The following TJP1 variants were observed in gnomAD, a reference collection of about 807,000 sequenced individuals.
The protein encoded by TJP1 is tight junction protein 1.
Under a neutral mutation model 194.2 loss-of-function variants are expected in TJP1, and 43 were observed. The ratio of observed to expected loss-of-function variants is 0.22; its 90% CI spans 0.17 to 0.29. The LOEUF (loss-of-function observed/expected upper bound fraction) is 0.29. Among genes scored for constraint, TJP1 ranks in the 10% least tolerant of loss-of-function variants. TJP1 has a pLI of 1.00. For missense variants in TJP1, 1,971 were observed against 2,185.7 expected, an observed-to-expected ratio of 0.90 and a Z score of 1.96; for synonymous variants, 801 against 779.0, an observed-to-expected ratio of 1.03 and a Z score of -0.47.
chr15:29,700,193 G>T lies in TJP1; in HGVS notation c.*1402C>A. On this transcript the variant is annotated 3_prime_UTR_variant, in exon 28 of 28. Coordinates refer to ENST00000614355, the MANE Select transcript of TJP1 (RefSeq NM_001330239.4). Reference sequence around the variant, plus strand: ...TTATTTTGGAGATTTAGAAATTTGAGATTTTTAATAACGGCAAAAGAAATT... The same window carrying T: ...TTATTTTGGAGATTTAGAAATTTGATATTTTTAATAACGGCAAAAGAAATT... 2 of 398,884 alleles carry T rather than the reference G, an allele frequency of 5.0e-6. No individual in the cohort carries two copies. The highest frequency in any genetic ancestry group is 2.6e-4 in the South Asian group (2 of 7,798). The allele number at this position is 398,884 out of a possible 1,614,324, so 24.7% of individuals were successfully genotyped here.
chr15:29,744,269 AATG>A (rs959904171), intron 8 of TJP1, among the ~76,000 whole-genome samples: 1 of 152,174 alleles, frequency 6.6e-6, no homozygotes, highest in African/African-American at 2.4e-5. Flanking sequence ...ATATTCACAA[AATG>A]ATGGTAAAAG....
In TJP1 at chr15:29,718,573, TGCTTGGACTCTGCAG is replaced by T. The variant is rs751907424; in HGVS notation, c.3554_3568del (p.Pro1185_Lys1189del). 1.9e-6 allele frequency: 3 copies of T among 1,614,160 alleles called. No homozygotes were observed. In the South Asian group the frequency reaches 3.3e-5, roughly 18 times the overall value. On this transcript the variant is annotated inframe_deletion, in exon 21 of 28. Transcript: ENST00000614355. ...ACTGCGTGAATATTGCTCAAAATAC[TGCTTGGACTCTGCAG>T]GCTTGGGCCCTGCTGAAGGGTGGGG...
At chr15:29,841,312 G>A (rs2051216277) in intron 2 of TJP1, among the ~76,000 whole-genome samples, 1 of 151,988 alleles carries the variant, frequency 6.6e-6, no homozygotes, top group African/African-American at 2.4e-5. Context: ...AAATTCAGGG[G>A]GAAAATATTT....
intron 9 of TJP1, 63 bp from the exon 10 acceptor site, chr15:29,741,499 C>T (rs1460123628): frequency 9.3e-7 from 1 of 1,071,300 alleles, no homozygotes; most frequent in Non-Finnish European, 1.4e-6. Flanking sequence ...ATGCAAGCAA[C>T]CAAGCAATAT....
intron 1 of TJP1, among the ~76,000 whole-genome samples, chr15:29,811,763 C>T (rs998769797): frequency 1.3e-5 from 2 of 152,186 alleles, no homozygotes; most frequent in Admixed American, 1.3e-4. Flanking sequence ...GCTGATTGAT[C>T]TTTGTCCAGA....
At chr15:29,822,493 G>A, upstream of TJP1, 1 of 984,752 alleles carries the variant, frequency 1.0e-6, no homozygotes, top group Non-Finnish European at 1.2e-6. Context: ...CCGGCCCACT[G>A]AGCATGCCCG....
At chr15:29,851,549 GAAC>G (rs1293656567) in intron 2 of TJP1, among the ~76,000 whole-genome samples, 7 of 151,918 alleles carry the variant, frequency 4.6e-5, no homozygotes, top group Non-Finnish European at 7.4e-5. Context: ...ATTTAAAGAA[GAAC>G]AACGCCAATA....
intron 5 of TJP1, 77 bp from the exon 6 acceptor site, chr15:29,762,515 CTAAT>C (rs1437035984): frequency 1.0e-6 from 1 of 999,032 alleles, no homozygotes; most frequent in Non-Finnish European, 1.5e-6. Flanking sequence ...TACAACTAAA[CTAAT>C]TAACTACTGC....
chr15:29,754,555 A>C (rs1182081666), intron 8 of TJP1, among the ~76,000 whole-genome samples: 1 of 152,084 alleles, frequency 6.6e-6, no homozygotes. Flanking sequence ...GAAGATCGTT[A>C]CCTCTCCACA....
At chr15:29,766,693 A>C (rs181194016) in intron 4 of TJP1, 151 bp from the exon 5 acceptor site, 253 of 730,336 alleles carry the variant, frequency 3.5e-4, no homozygotes, top group Middle Eastern at 1.2e-3. Context: ...ATTTCTAAGG[A>C]ATACATTTCC....
Position 29,903,424 on chromosome 15 carries a change from A to C in TJP1, c.306+52808T>G, listed in dbSNP as rs562710321. Among the ~76,000 whole-genome samples the C allele has an allele frequency of 1.1e-3, 168 of 152,202 alleles. 2 individuals carry two copies. Among genetic ancestry groups the C allele is most frequent in the African/African-American group, 3.9e-3 (160 of 41,520 alleles). ...AGAAACTATTAAATGAACAAATTAC[A>C]TGTTCAATCTTACCGAGTTTCAGAA... On this transcript the variant is annotated intron_variant, in intron 2 of 28. Coordinates refer to the TJP1 transcript ENST00000356107.
intron 2 of TJP1, among the ~76,000 whole-genome samples, chr15:29,886,699 T>C (rs2053126772): frequency 6.6e-6 from 1 of 151,094 alleles, no homozygotes. Flanking sequence ...ACACAAACTA[T>C]AAAATAAGTA....
intron 2 of TJP1, among the ~76,000 whole-genome samples, chr15:29,830,752 A>G (rs1243288880): frequency 6.6e-6 from 1 of 152,128 alleles, no homozygotes; most frequent in Non-Finnish European, 1.5e-5. Context: ...TTCAATAGCA[A>G]GGAGTACTCC....
In TJP1 at chr15:29,822,179, A is replaced by T. The variant is rs2050435551; in HGVS notation, c.-151T>A. On this transcript the variant is annotated 5_prime_UTR_variant, in exon 1 of 28. Transcript: ENST00000614355. ...GGCCGGAAGGGCCCGGCCCAGGGGG[A>T]GGGAATTCAACTCGGACAAAAGTCC... The T allele has an allele frequency of 8.6e-7, 1 of 1,164,530 alleles. No homozygotes were observed. Among genetic ancestry groups the T allele is most frequent in the East Asian group, 3.7e-5 (1 of 26,890 alleles). The allele number at this position is 1,164,530 out of a possible 1,614,324, so 72.1% of individuals were successfully genotyped here. A position where few individuals can be genotyped will look rare whatever the true frequency, so the allele number is the denominator to read the frequency against.
chr15:29,759,051 A>G (rs939733231), intron 8 of TJP1: 1 of 152,350 alleles, frequency 6.6e-6, no homozygotes, highest in East Asian at 1.9e-4. Context: ...AACACTTTAC[A>G]GTTTTAACTA....
intron 2 of TJP1, among the ~76,000 whole-genome samples, chr15:29,860,539 T>TA (rs1417609061): frequency 5.3e-5 from 8 of 152,204 alleles, no homozygotes. Flanking sequence ...GGCCTTTTGT[T>TA]ACTCACTTCC....
At chr15:29,811,576 C>T (rs1222881680) in intron 1 of TJP1, among the ~76,000 whole-genome samples, 4 of 152,158 alleles carry the variant, frequency 2.6e-5, no homozygotes, top group African/African-American at 4.8e-5. Context: ...CCAAATTGAG[C>T]CAGGTACCCT....
chr15:29,842,340 C>A (rs531040868), intron 2 of TJP1, among the ~76,000 whole-genome samples: 1 of 152,252 alleles, frequency 6.6e-6, no homozygotes, highest in African/African-American at 2.4e-5. Context: ...AGTAAGATAG[C>A]TATTTACTCA....
Position 29,816,856 on chromosome 15 carries a change from C to T in TJP1, c.27+5146G>A, listed in dbSNP as rs540327113. 5.9e-5 allele frequency among the ~76,000 whole-genome samples: 9 copies of T among 152,188 alleles called. No homozygotes were observed. In the South Asian group the frequency reaches 1.7e-3, roughly 28 times the overall value. ...ATGTAAAACCCAAAACCATAAAAAC[C>T]CTAAAAGAAAACCTAGGCAATACCA... On this transcript the variant is annotated intron_variant, in intron 1 of 27. Transcript: ENST00000614355.
Sources: allele counts gnomAD v4.1 joint callset (sites outside exome capture counted in the v4.1 genomes callset), GRCh38; gene constraint gnomAD v4.1.1; transcripts MANE v1.5; gene names NCBI Gene and HGNC (gene_info 2026-07-23, HGNC 2026-07-21).